MTERF4: variants seen among roughly 807,000 people sequenced by gnomAD.
The protein encoded by MTERF4 is transcription termination factor 4, mitochondrial.
In MTERF4, 17 loss-of-function variants were observed where a neutral mutation model predicts 22.5. That is an observed-to-expected ratio of 0.75 (90% confidence interval 0.52 to 1.13). MTERF4 has a LOEUF of 1.13. MTERF4 is among the 50% of genes most tolerant of loss of function. The pLI is 0.00. For synonymous variants in MTERF4, 165 were observed against 175.3 expected, an observed-to-expected ratio of 0.94 and a Z score of 0.47; for missense variants, 420 against 466.8, an observed-to-expected ratio of 0.90 and a Z score of 0.92.
chr2:241,087,795 G>T, downstream of MTERF4: 1 of 831,292 alleles, frequency 1.2e-6, no homozygotes, highest in Non-Finnish European at 1.6e-6. Flanking sequence ...TTTAATGGCC[G>T]ATATAGCGCG....
rs774845972 is a variant in MTERF4 at position 241,096,874 on chromosome 2, A to G, written c.705+369T>C. 1 of 576,564 alleles carries G rather than the reference A, an allele frequency of 1.7e-6. No homozygotes were observed. Among genetic ancestry groups the G allele is most frequent in the Non-Finnish European group, 3.1e-6 (1 of 324,560 alleles). 35.7% of individuals were successfully genotyped at this position (576,564 alleles called of 1,614,324 possible). The stretch of plus-strand genomic sequence containing the variant: ...AACATGCAAAATAGATTCTAAGGAC[A>G]GGAAGGTTTCAGCTATTTTAAAATT... On this transcript the variant is annotated intron_variant, in intron 3 of 3. Transcript: ENST00000391980. This position sits in a 1 kb window ranked among gnomAD's most constrained non-coding sequence, Gnocchi z 5.1.
downstream of MTERF4, chr2:241,087,464 G>A (rs1466721266): frequency 2.5e-6 from 4 of 1,602,532 alleles, no homozygotes; most frequent in East Asian, 9.0e-5. Context: ...GCCTCAAGAA[G>A]ACCCCAAACA....
chr2:241,086,109 G>A (rs772597796), downstream of MTERF4, among the ~76,000 whole-genome samples: 5 of 151,862 alleles, frequency 3.3e-5, no homozygotes, highest in Non-Finnish European at 5.9e-5. Flanking sequence ...TCAAGTGATC[G>A]GCCCGCCTTG....
chr2:241,053,113 A>C, the MTERF4 span: 1 of 1,577,868 alleles, frequency 6.3e-7, no homozygotes, highest in South Asian at 1.1e-5. Flanking sequence ...GGGGCCAGGA[A>C]GGCACAGGAC....
chr2:241,093,270 A>G (rs2064159598), downstream of MTERF4: 1 of 152,682 alleles, frequency 6.5e-6, no homozygotes, highest in Non-Finnish European at 1.5e-5. Context: ...CGTACTGCGG[A>G]CTTCCTGCCG....
At chr2:241,050,432 C>A in the MTERF4 span, among the ~76,000 whole-genome samples, 1 of 152,112 alleles carries the variant, frequency 6.6e-6, no homozygotes, top group Non-Finnish European at 1.5e-5. Flanking sequence ...CACCCCCAGA[C>A]CTGTTCAGCA....
At chr2:241,095,060 GC>G (rs10573691), downstream of MTERF4, 22,629 of 89,248 alleles carry the variant, frequency 0.25, 3,806 homozygotes, top group Middle Eastern at 0.42. Context: ...AAGGTGACAC[GC>G]CCCCCCCCCC....
chr2:241,048,017 C>G, the MTERF4 span, among the ~76,000 whole-genome samples: 1 of 150,836 alleles, frequency 6.6e-6, no homozygotes, highest in African/African-American at 2.4e-5. Flanking sequence ...TGGGTGGTCT[C>G]TCCGGTGCTT....
chr2:241,050,495 C>G, the MTERF4 span, among the ~76,000 whole-genome samples: 1 of 152,126 alleles, frequency 6.6e-6, no homozygotes, highest in Non-Finnish European at 1.5e-5. Context: ...TGACCTGGCA[C>G]CCTCTCCAGG....
At chr2:241,069,471 G>A (rs1224918674), downstream of MTERF4, among the ~76,000 whole-genome samples, 1 of 152,194 alleles carries the variant, frequency 6.6e-6, no homozygotes, top group Non-Finnish European at 1.5e-5. This position sits in a 1 kb window ranked among gnomAD's most constrained non-coding sequence, Gnocchi z 4.9. Flanking sequence ...AGGGACAGGT[G>A]AACTGGGCAG....
chr2:241,073,775 C>T lies in MTERF4; in HGVS notation n.2387G>A, dbSNP rs917986251. 15 of 329,836 alleles carry T rather than the reference C, an allele frequency of 4.5e-5. No individual in the cohort carries two copies. The highest frequency in any genetic ancestry group is 1.5e-4 in the East Asian group (3 of 20,104). 20.4% of individuals were successfully genotyped at this position (329,836 alleles called of 1,614,324 possible). ...AGAAGCAGAGGGAGCAGCCACTGGG[C>T]GAGCCCCAGCTTGAGGACTAGCTGG... On this transcript the variant is annotated non_coding_transcript_exon_variant, in exon 5 of 5. Transcript: ENST00000464344. The surrounding 1 kb of genome is among the most constrained non-coding windows in gnomAD (Gnocchi z 6.6).
At chr2:241,059,541 T>C in the MTERF4 span, among the ~76,000 whole-genome samples, 2 of 152,172 alleles carry the variant, frequency 1.3e-5, no homozygotes, top group Non-Finnish European at 2.9e-5. Context: ...CCAAACAAAA[T>C]ATTACTAAGT....
downstream of MTERF4, chr2:241,089,309 G>C (rs762864091): frequency 9.0e-6 from 14 of 1,550,192 alleles, no homozygotes; most frequent in African/African-American, 1.8e-4. Flanking sequence ...GCGCAGATGA[G>C]TGAGGCACCC....
In MTERF4 at chr2:241,073,412, C is replaced by G; in HGVS notation, n.2750G>C. Reference sequence around the variant, plus strand: ...GACTTTGGGACTGACTGACTGCTCTCAGGGGCCTTAGAGGCTGCAGGCAGG... The same window carrying G: ...GACTTTGGGACTGACTGACTGCTCTGAGGGGCCTTAGAGGCTGCAGGCAGG... On this transcript the variant is annotated non_coding_transcript_exon_variant, in exon 5 of 5. Coordinates refer to the MTERF4 transcript ENST00000464344. The surrounding 1 kb of genome is among the most constrained non-coding windows in gnomAD (Gnocchi z 6.6). The G allele has an allele frequency of 6.8e-7, 1 of 1,461,624 alleles. No individual in the cohort carries two copies. Among genetic ancestry groups the G allele is most frequent in the Non-Finnish European group, 9.4e-7 (1 of 1,065,272 alleles). The allele number at this position is 1,461,624 out of a possible 1,614,324, so 90.5% of individuals were successfully genotyped here. A position where few individuals can be genotyped will look rare whatever the true frequency, so the allele number is the denominator to read the frequency against.
the MTERF4 span, chr2:241,064,980 G>C: frequency 6.5e-7 from 1 of 1,533,388 alleles, no homozygotes; most frequent in Admixed American, 2.1e-5. This position sits in a 1 kb window ranked among gnomAD's most constrained non-coding sequence, Gnocchi z 7.0. Context: ...GGCGCCTCCA[G>C]TGAGGGAGCC....
Position 241,096,069 on chromosome 2 carries a change from C to T in MTERF4, c.1075G>A (p.Asp359Asn), listed in dbSNP as rs549515959. The change falls in exon 4 of 4, where the codon GAT becomes AAT. Residue 359 changes from aspartate to asparagine, a missense_variant. Physicochemically the swap from Asp to Asn is conservative, Grantham distance 23. Transcript: ENST00000391980. The surrounding 1 kb of genome is among the most constrained non-coding windows in gnomAD (Gnocchi z 5.1). ...TCGTCGTCGTCCTCATCATCGTCAT[C>T]CTCATCATTGTCATCCTCATCATTG... Reference protein sequence around the residue: ...EDNDEDDNDEDDDDEDDDEAE... With the variant: ...EDNDEDDNDENDDDEDDDEAE... 60 of 1,611,368 alleles carry T rather than the reference C, an allele frequency of 3.7e-5. No individual in the cohort carries two copies. The African/African-American group carries it at 6.2e-4, about 17-fold the overall frequency.
chr2:241,097,095 C>T, intron 3 of MTERF4, 148 bp downstream of exon 3: 1 of 887,426 alleles, frequency 1.1e-6, no homozygotes, highest in East Asian at 2.7e-5. Flanking sequence ...ATCCATATAA[C>T]TGACCTTCAC....
At chr2:241,098,253 A>G (rs1425170881) in intron 2 of MTERF4, among the ~76,000 whole-genome samples, 2 of 152,248 alleles carry the variant, frequency 1.3e-5, no homozygotes, top group Non-Finnish European at 2.9e-5. Context: ...ACCACCACAC[A>G]TAATATATTT....
Position 241,075,708 on chromosome 2 carries a change from A to G in MTERF4, n.480-26T>C, listed in dbSNP as rs2062987659. ...CTAATAGAGAAAAGTTCATAATCAA[A>G]TTTATCAAGCATTAGTGGTTAACAA... On this transcript the variant is annotated intron_variant and non_coding_transcript_variant, in intron 4 of 4. Coordinates refer to the MTERF4 transcript ENST00000464344. This position sits in a 1 kb window ranked among gnomAD's most constrained non-coding sequence, Gnocchi z 4.8. 1 of 152,032 alleles carries G rather than the reference A, an allele frequency of 6.6e-6. No homozygotes were observed. Among genetic ancestry groups the G allele is most frequent in the Non-Finnish European group, 1.5e-5 (1 of 67,976 alleles). The allele number at this position is 152,032 out of a possible 1,614,324, so 9.4% of individuals were successfully genotyped here.
Sources: allele counts gnomAD v4.1 joint callset (sites outside exome capture counted in the v4.1 genomes callset), GRCh38; gene constraint gnomAD v4.1.1; non-coding constraint Gnocchi (gnomAD v3.1); transcripts MANE v1.5; gene names NCBI Gene and HGNC (gene_info 2026-07-23, HGNC 2026-07-21).